Variants in ETS2 observed in about 807,000 individuals in gnomAD.
ETS2 encodes protein C-ets-2.
A neutral mutation model predicts 54.9 loss-of-function variants in ETS2; 19 were observed. The ratio of observed to expected loss-of-function variants is 0.35; its 90% CI spans 0.24 to 0.51. ETS2 has a LOEUF of 0.51. Among genes scored for constraint, ETS2 ranks in the 20% least tolerant of loss-of-function variants. The pLI, the probability that ETS2 is intolerant of heterozygous loss-of-function variation, is 0.97. For missense variants in ETS2, 417 were observed against 593.0 expected (o/e 0.70, Z 3.08); for synonymous variants, 219 against 229.3 (o/e 0.95, Z 0.41).
Position 38,806,972 on chromosome 21 carries a change from C to T in ETS2, c.-1+852C>T, listed in dbSNP as rs1197461638. ...AGAAAGTAAAGAAATGAGCAGTCCC[C>T]TTTGGAGACAGGAGTAATTTATTTT... On this transcript the variant is annotated intron_variant, in intron 1 of 9. Transcript: ENST00000360938. This position sits in a 1 kb window ranked among gnomAD's most constrained non-coding sequence, Gnocchi z 4.3. 6.6e-6 allele frequency among the ~76,000 whole-genome samples: 1 copy of T among 152,156 alleles called. No individual in the cohort carries two copies. The highest frequency in any genetic ancestry group is 1.5e-5 in the Non-Finnish European group (1 of 68,036).
At chr21:38,816,323 A>G (rs953301346) in intron 5 of ETS2, among the ~76,000 whole-genome samples, 2 of 151,946 alleles carry the variant, frequency 1.3e-5, no homozygotes, top group African/African-American at 4.8e-5. Context: ...CTCATTTTTA[A>G]AGACCCTCAT....
At position 38,821,179 on chromosome 21, in the gene ETS2, C is replaced by T. The variant is rs1601432806; in HGVS notation, c.1076-407C>T. On this transcript the variant is annotated intron_variant, in intron 8 of 9. Transcript: ENST00000360938. The surrounding 1 kb of genome is among the most constrained non-coding windows in gnomAD (Gnocchi z 4.2). The stretch of plus-strand genomic sequence containing the variant: ...GATGAAACACCCCCTCAGCCACCCC[C>T]ATCTCTGCCCCACTGGGTGTTTCTA... Among the ~76,000 whole-genome samples, 1 of 152,174 alleles carries T rather than the reference C, an allele frequency of 6.6e-6. No homozygotes were observed.
Position 38,810,013 on chromosome 21 carries a change from CTTT to C in ETS2, c.1-13_1-11del. The C allele has an allele frequency of 8.4e-7, 1 of 1,193,178 alleles. No individual in the cohort carries two copies. The highest frequency in any genetic ancestry group is 1.1e-6 in the Non-Finnish European group (1 of 871,378). The allele number at this position is 1,193,178 out of a possible 1,614,324, so 73.9% of individuals were successfully genotyped here. A position where few individuals can be genotyped will look rare whatever the true frequency, so the allele number is the denominator to read the frequency against. Reference sequence around the variant, plus strand: ...TGTACTTAATCTTTTGCCTCTTTGACTTTTTTTTTTTCTTTTTTAAGATGAATG... The same window carrying C: ...TGTACTTAATCTTTTGCCTCTTTGACTTTTTTTTCTTTTTTAAGATGAATG... On this transcript the variant is annotated intron_variant, in intron 1 of 9. Transcript: ENST00000360938.
intron 3 of ETS2, among the ~76,000 whole-genome samples, 179 bp downstream of exon 3, chr21:38,813,293 T>G (rs1371523549): frequency 2.0e-5 from 3 of 152,208 alleles, no homozygotes; most frequent in African/African-American, 7.2e-5. Context: ...GTGATTCTGA[T>G]GTGGATTCTG....
At chr21:38,812,939 T>G in intron 2 of ETS2, 64 bp from the exon 3 acceptor site, 1 of 1,189,592 alleles carries the variant, frequency 8.4e-7, no homozygotes, top group East Asian at 2.4e-5. Flanking sequence ...AGACCACTTT[T>G]ACAACAGGTA....
chr21:38,818,495 C>T lies in ETS2; in HGVS notation c.660C>T (p.Ser220=). 6.2e-7 allele frequency: 1 copy of T among 1,614,166 alleles called. No homozygotes were observed. Among genetic ancestry groups the T allele is most frequent in the South Asian group, 1.1e-5 (1 of 91,086 alleles). ...QNYPKGGLLD[S]MCPASTPSVL... ...ACCCCAAAGGCGGCCTCCTGGACAGCATGTGTCCGGCCTCCACACCCAGCG... is the reference window on the plus strand; with the variant it reads ...ACCCCAAAGGCGGCCTCCTGGACAGTATGTGTCCGGCCTCCACACCCAGCG... The change falls in exon 7 of 10, where the codon AGC becomes AGT. Residue 220 remains serine, a synonymous_variant. Coordinates refer to ENST00000360938, the MANE Select transcript of ETS2 (RefSeq NM_005239.6).
In ETS2 at chr21:38,808,612, G is replaced by GTT. The variant is rs1196633416; in HGVS notation, c.1-1422_1-1421insTT. Among the ~76,000 whole-genome samples the GTT allele has an allele frequency of 3.3e-5, 5 of 151,970 alleles. No homozygotes were observed. In the East Asian group the frequency reaches 9.7e-4, roughly 29 times the overall value. The stretch of plus-strand genomic sequence containing the variant: ...TGTATGTGTGTGTGTGTGTGTGTGT[G>GTT]TGTGTTGGGTGTGTGTTGGGTAGCA... On this transcript the variant is annotated intron_variant, in intron 1 of 9. Transcript: ENST00000360938.
At chr21:38,811,554 C>T (rs1484028333) in intron 2 of ETS2, among the ~76,000 whole-genome samples, 1 of 152,212 alleles carries the variant, frequency 6.6e-6, no homozygotes, top group Non-Finnish European at 1.5e-5. Flanking sequence ...TTACACATAA[C>T]ATGGGATTTC....
rs1601433216 is a variant in ETS2 at position 38,821,755 on chromosome 21, C to T, written c.1194+51C>T. ...CTGGGCTTGAAAACCTGATTTCCTG[C>T]TTGCATTCAAAAACTCAGTTCTTTG... On this transcript the variant is annotated intron_variant, in intron 9 of 9. Coordinates refer to ENST00000360938, the MANE Select transcript of ETS2 (RefSeq NM_005239.6). This position sits in a 1 kb window ranked among gnomAD's most constrained non-coding sequence, Gnocchi z 4.2. 3 of 1,351,472 alleles carry T rather than the reference C, an allele frequency of 2.2e-6. No homozygotes were observed. In the East Asian group the frequency reaches 6.9e-5, roughly 31 times the overall value. The allele number at this position is 1,351,472 out of a possible 1,614,324, so 83.7% of individuals were successfully genotyped here.
In ETS2 at chr21:38,822,681, G is replaced by C; in HGVS notation, c.1202G>C (p.Arg401Pro). The C allele has an allele frequency of 6.2e-7, 1 of 1,613,146 alleles. No individual in the cohort carries two copies. The highest frequency in any genetic ancestry group is 8.5e-7 in the Non-Finnish European group (1 of 1,179,472). ...CATCCATGTTCACCAAAGGTGGCCC[G>C]CCGGTGGGGAAAGAGGAAAAATAAG... is the stretch of plus-strand genomic sequence containing the variant. ...FKLADPDEVA[R>P]RWGKRKNKPK... The change falls in exon 10 of 10, where the codon CGC (arginine) becomes CCC (proline). Residue 401 changes from arginine to proline, a missense_variant. Around this residue, in one of 3 missense-constraint regions of ETS2, gnomAD observed 60 missense variants for 134.1 expected, o/e 0.45. Transcript: ENST00000360938.
At chr21:38,809,842 A>G (rs1209954) in intron 1 of ETS2, 193 bp from the exon 2 acceptor site, 406,547 of 512,690 alleles carry the variant, frequency 0.79, 163,940 homozygotes, top group Non-Finnish European at 0.85. Flanking sequence ...AGCATATCCC[A>G]TTGTGATACT....
chr21:38,818,830 G>T (rs999667974), intron 7 of ETS2, among the ~76,000 whole-genome samples, 184 bp downstream of exon 7: 1 of 152,212 alleles, frequency 6.6e-6, no homozygotes, highest in Non-Finnish European at 1.5e-5. Context: ...CCCAGGTACT[G>T]CAGGCATTGA....
In ETS2 at chr21:38,814,443, T is replaced by G; in HGVS notation, c.304+51T>G. On this transcript the variant is annotated intron_variant, in intron 4 of 9. Coordinates refer to ENST00000360938, the MANE Select transcript of ETS2 (RefSeq NM_005239.6). The surrounding 1 kb of genome is among the most constrained non-coding windows in gnomAD (Gnocchi z 4.2). ...ACTGGGTGAGAAGAACCAACTTCAG[T>G]GCAGTTGTTTGATCTTGACTTGTTT... 1 of 1,604,094 alleles carries G rather than the reference T, an allele frequency of 6.2e-7. No homozygotes were observed. The highest frequency in any genetic ancestry group is 8.5e-7 in the Non-Finnish European group (1 of 1,174,144).
intron 9 of ETS2, among the ~76,000 whole-genome samples, chr21:38,822,248 G>T (rs183216601): frequency 6.6e-6 from 1 of 152,156 alleles, no homozygotes; most frequent in African/African-American, 2.4e-5. Flanking sequence ...TTCCCACCCC[G>T]CCTCCAGTTC....
At position 38,823,208 on chromosome 21, in the gene ETS2, G is replaced by A. The variant is rs1329325335; in HGVS notation, c.*319G>A. On this transcript the variant is annotated 3_prime_UTR_variant, in exon 10 of 10. Transcript: ENST00000360938. ...CTGTTTGAGATTCTCAAAGGAGCGA[G>A]CATGTCGTGGACACACACAGACTAT... The A allele has an allele frequency of 8.6e-6, 2 of 233,368 alleles. No homozygotes were observed. Among genetic ancestry groups the A allele is most frequent in the East Asian group, 1.7e-4 (2 of 11,780 alleles). 14.5% of individuals were successfully genotyped at this position (233,368 alleles called of 1,614,324 possible).
In ETS2 at chr21:38,806,013, G is replaced by A; in HGVS notation, c.-108G>A. ...CGCCCGGCCAGCGTCCGGCCTCCCT[G>A]ATCGTCTCTGGCCGGCGCCCTCGCC... On this transcript the variant is annotated 5_prime_UTR_variant, in exon 1 of 10. Transcript: ENST00000360938. This position sits in a 1 kb window ranked among gnomAD's most constrained non-coding sequence, Gnocchi z 4.3. 1 of 1,261,456 alleles carries A rather than the reference G, an allele frequency of 7.9e-7. No individual in the cohort carries two copies. The highest frequency in any genetic ancestry group is 1.0e-6 in the Non-Finnish European group (1 of 978,200). The allele number at this position is 1,261,456 out of a possible 1,614,324, so 78.1% of individuals were successfully genotyped here. A position where few individuals can be genotyped will look rare whatever the true frequency, so the allele number is the denominator to read the frequency against.
Position 38,821,062 on chromosome 21 carries a change from T to C in ETS2, c.1076-524T>C, listed in dbSNP as rs930293955. On this transcript the variant is annotated intron_variant, in intron 8 of 9. Transcript: ENST00000360938. The surrounding 1 kb of genome is among the most constrained non-coding windows in gnomAD (Gnocchi z 4.2). ...CAACGGGTGTGACCCCGCGTGGCTA[T>C]TGAGTAAACCGGGCTCACATTAAGC... Among the ~76,000 whole-genome samples the C allele has an allele frequency of 9.2e-5, 14 of 152,200 alleles. No individual in the cohort carries two copies.
intron 1 of ETS2, among the ~76,000 whole-genome samples, chr21:38,808,067 A>G (rs1388782685): frequency 6.6e-6 from 1 of 152,156 alleles, no homozygotes; most frequent in Non-Finnish European, 1.5e-5. Context: ...CTCATCATTC[A>G]TGTTCTCCCG....
At position 38,823,659 on chromosome 21, in the gene ETS2, T is replaced by G. The variant is rs1601434781; in HGVS notation, c.*770T>G. 2 of 152,962 alleles carry G rather than the reference T, an allele frequency of 1.3e-5. No individual in the cohort carries two copies. Among genetic ancestry groups the G allele is most frequent in the East Asian group, 3.9e-4 (2 of 5,192 alleles). 9.5% of individuals were successfully genotyped at this position (152,962 alleles called of 1,614,324 possible). A position where few individuals can be genotyped will look rare whatever the true frequency, so the allele number is the denominator to read the frequency against. On this transcript the variant is annotated 3_prime_UTR_variant, in exon 10 of 10. Transcript: ENST00000360938. ...TTTGTTTGTTTTTGGGGGGTTTTCT[T>G]GCCTTGGTTGTCTGGCAAGGACTTT...
Sources: allele counts gnomAD v4.1 joint callset (sites outside exome capture counted in the v4.1 genomes callset), GRCh38; gene constraint gnomAD v4.1.1; regional missense constraint gnomAD v4.1.1; non-coding constraint Gnocchi (gnomAD v3.1); transcripts MANE v1.5; gene names NCBI Gene and HGNC (gene_info 2026-07-23, HGNC 2026-07-21).